Variants in FHIT observed in about 807,000 individuals in gnomAD.
FHIT encodes fragile histidine triad diadenosine triphosphatase.
FHIT carries 19 observed loss-of-function variants against 17.9 expected under a neutral mutation model. The ratio of observed to expected loss-of-function variants is 1.06; its 90% confidence interval spans 0.74 to 1.56. FHIT has a LOEUF of 1.56. FHIT is among the 40% of genes most tolerant of loss of function. The pLI is 0.00. For missense variants in FHIT, 248 were observed against 189.2 expected, an observed-to-expected ratio of 1.31 and a Z score of -1.82; for synonymous variants, 81 against 69.7, an observed-to-expected ratio of 1.16 and a Z score of -0.81.
intron 4 of FHIT, among the ~76,000 whole-genome samples, chr3:60,605,152 C>A (rs926154010): frequency 4.6e-5 from 7 of 152,068 alleles, no homozygotes; most frequent in African/African-American, 9.7e-5. Flanking sequence ...TTCCCCAATA[C>A]TAATGTCCAT....
chr3:60,964,829 G>C (rs1234589669), intron 3 of FHIT, among the ~76,000 whole-genome samples: 4 of 152,056 alleles, frequency 2.6e-5, no homozygotes, highest in Admixed American at 2.0e-4. Context: ...TCCCTTTGTG[G>C]GTAACCTGAC....
At position 60,400,581 on chromosome 3, in the gene FHIT, A is replaced by G. The variant is rs1449993130; in HGVS notation, c.103+136279T>C. Among the ~76,000 whole-genome samples, 2 of 152,148 alleles carry G rather than the reference A, an allele frequency of 1.3e-5. 1 individual carries two copies. The highest frequency in any genetic ancestry group is 4.8e-5 in the African/African-American group (2 of 41,446). On this transcript the variant is annotated intron_variant, in intron 5 of 9. Coordinates refer to ENST00000492590, the MANE Select transcript of FHIT (RefSeq NM_002012.4). ...ACATCTGCTGGTCACCAAGGGGAAG[A>G]GCTGAGCAGAGGTGCTGGCATGCAC...
intron 8 of FHIT, among the ~76,000 whole-genome samples, chr3:59,901,600 C>T (rs977560753): frequency 2.0e-5 from 3 of 152,060 alleles, no homozygotes; most frequent in East Asian, 1.9e-4. Flanking sequence ...ATTGCTTATT[C>T]GGATGACTAT....
At chr3:60,870,032 T>G (rs1252154759) in intron 3 of FHIT, among the ~76,000 whole-genome samples, 1 of 152,156 alleles carries the variant, frequency 6.6e-6, no homozygotes, top group African/African-American at 2.4e-5. Flanking sequence ...TGTGGGTACC[T>G]AGAAATAATC....
chr3:61,015,555 T>C (rs917868295), intron 3 of FHIT, among the ~76,000 whole-genome samples: 1 of 152,210 alleles, frequency 6.6e-6, no homozygotes, highest in Non-Finnish European at 1.5e-5. Context: ...GGAATGTCAC[T>C]ATGGCTTTCT....
intron 8 of FHIT, among the ~76,000 whole-genome samples, chr3:59,854,277 T>C (rs1702061531): frequency 6.6e-6 from 1 of 152,148 alleles, no homozygotes; most frequent in Non-Finnish European, 1.5e-5. Context: ...CCCGGAAGCA[T>C]TCCAGGGGGA....
chr3:60,426,896 AACCCAT>A (rs2107281905), intron 5 of FHIT, among the ~76,000 whole-genome samples: 1 of 152,240 alleles, frequency 6.6e-6, no homozygotes, highest in South Asian at 2.1e-4. Context: ...TGGTATATGT[AACCCAT>A]ATAATTCCTC....
rs145196666 is a variant in FHIT at position 60,398,650 on chromosome 3, C to T, written c.103+138210G>A. Among the ~76,000 whole-genome samples the T allele has an allele frequency of 3.3e-5, 5 of 152,186 alleles. No individual in the cohort carries two copies. The East Asian group carries it at 9.7e-4, about 29-fold the overall frequency. On this transcript the variant is annotated intron_variant, in intron 5 of 9. Coordinates refer to ENST00000492590, the MANE Select transcript of FHIT (RefSeq NM_002012.4). Reference sequence around the variant, plus strand: ...AGTTTTGCAGAATTGTAATGTTTGTCTGAAATCTAGGGTGATACTTAGTAA... The same window carrying T: ...AGTTTTGCAGAATTGTAATGTTTGTTTGAAATCTAGGGTGATACTTAGTAA...
At chr3:61,208,824 T>A (rs1029608117) in intron 1 of FHIT, among the ~76,000 whole-genome samples, 6 of 152,060 alleles carry the variant, frequency 3.9e-5, no homozygotes, top group African/African-American at 1.4e-4. Context: ...ACATTTAAGG[T>A]TAATATTCTT....
At chr3:59,961,998 T>C (rs1707709552) in intron 7 of FHIT, among the ~76,000 whole-genome samples, 1 of 152,128 alleles carries the variant, frequency 6.6e-6, no homozygotes, top group Non-Finnish European at 1.5e-5. Flanking sequence ...AACAAATAAA[T>C]CAATGCAGCC....
chr3:60,850,376 C>A (rs1208873296), intron 3 of FHIT, among the ~76,000 whole-genome samples: 1 of 129,674 alleles, frequency 7.7e-6, no homozygotes, highest in African/African-American at 2.9e-5. Context: ...TCATGCTCTG[C>A]ATCTTTAAAT....
chr3:60,572,393 TTG>T (rs2037415503), intron 4 of FHIT, among the ~76,000 whole-genome samples: 1 of 152,192 alleles, frequency 6.6e-6, no homozygotes, highest in Non-Finnish European at 1.5e-5. Flanking sequence ...ATAATATTTA[TTG>T]TGTTTATAGA....
At chr3:60,939,069 A>G (rs1230004030) in intron 3 of FHIT, among the ~76,000 whole-genome samples, 5 of 152,192 alleles carry the variant, frequency 3.3e-5, no homozygotes, top group African/African-American at 1.2e-4. Context: ...AAAGCAGTCA[A>G]TTAGGTGCAA....
chr3:60,203,028 A>G (rs543382924), intron 5 of FHIT, among the ~76,000 whole-genome samples: 39 of 152,218 alleles, frequency 2.6e-4, no homozygotes, highest in African/African-American at 7.9e-4. Flanking sequence ...ATAGAAGTAC[A>G]TAGACATACA....
At chr3:60,971,733 T>C (rs1053216457) in intron 3 of FHIT, among the ~76,000 whole-genome samples, 4 of 152,212 alleles carry the variant, frequency 2.6e-5, no homozygotes, top group Admixed American at 2.0e-4. Context: ...TCATGGCTAG[T>C]GGTTTATGTT....
intron 3 of FHIT, among the ~76,000 whole-genome samples, chr3:61,033,104 ACTTAGTCTG>A (rs2033086378): frequency 6.6e-6 from 1 of 152,216 alleles, no homozygotes; most frequent in Admixed American, 6.5e-5. Flanking sequence ...GGTGACTTTT[ACTTAGTCTG>A]CTGATTCACA....
chr3:60,068,389 C>G (rs1576021555), intron 5 of FHIT, among the ~76,000 whole-genome samples: 1 of 152,156 alleles, frequency 6.6e-6, no homozygotes, highest in South Asian at 2.1e-4. Context: ...ATCTTAAGTT[C>G]CCAGGGTTAA....
At chr3:60,988,294 A>T in intron 3 of FHIT, among the ~76,000 whole-genome samples, 1 of 152,222 alleles carries the variant, frequency 6.6e-6, no homozygotes, top group East Asian at 1.9e-4. Flanking sequence ...AATTCTTATA[A>T]AGAATAAGTT....
At chr3:60,820,907 A>G (rs1701902148) in intron 4 of FHIT, among the ~76,000 whole-genome samples, 1 of 152,110 alleles carries the variant, frequency 6.6e-6, no homozygotes, top group Non-Finnish European at 1.5e-5. Flanking sequence ...TTACATGAGC[A>G]CAGTCCCCTG....
Sources: allele counts gnomAD v4.1 joint callset (sites outside exome capture counted in the v4.1 genomes callset), GRCh38; gene constraint gnomAD v4.1.1; transcripts MANE v1.5; gene names NCBI Gene and HGNC (gene_info 2026-07-23, HGNC 2026-07-21).